FGF2: variants seen among roughly 807,000 people sequenced by gnomAD.
FGF2 encodes basic fibroblast growth factor bFGF.
Under a neutral mutation model 15.9 loss-of-function variants are expected in FGF2, and 13 were observed. The observed-to-expected ratio is 0.82, with a 90% confidence interval of 0.53 to 1.30. The LOEUF is 1.30. Ranked by LOEUF, FGF2 falls within the 50% of genes most tolerant of loss-of-function variation. The pLI, the probability that FGF2 is intolerant of heterozygous loss-of-function variation, is 0.00. For missense variants in FGF2, 163 were observed against 196.9 expected (o/e 0.83, Z 1.03); for synonymous variants, 90 against 78.4 (o/e 1.15, Z -0.78).
chr4:122,870,788 AT>A (rs1246426391), intron 1 of FGF2, among the ~76,000 whole-genome samples: 7 of 151,602 alleles, frequency 4.6e-5, no homozygotes, highest in Admixed American at 4.6e-4. Flanking sequence ...AGATTCATTG[AT>A]TTTTTTGTAG....
At position 122,827,107 on chromosome 4, in the gene FGF2, G is replaced by T; in HGVS notation, c.-68G>T. ...GAGCGGGTCGGAGGCCGGGGCCGGG[G>T]CCGGGGGACGGCGGCTCCCCGCGCG... On this transcript the variant is annotated 5_prime_UTR_variant, in exon 1 of 3. Transcript: ENST00000644866. This position sits in a 1 kb window ranked among gnomAD's most constrained non-coding sequence, Gnocchi z 4.2. The T allele has an allele frequency of 8.0e-7, 1 of 1,250,156 alleles. No homozygotes were observed. The highest frequency in any genetic ancestry group is 1.0e-6 in the Non-Finnish European group (1 of 999,530). 77.4% of individuals were successfully genotyped at this position (1,250,156 alleles called of 1,614,324 possible).
chr4:122,835,501 T>C (rs1449529408), intron 1 of FGF2, among the ~76,000 whole-genome samples: 7 of 152,122 alleles, frequency 4.6e-5, no homozygotes, highest in Non-Finnish European at 1.0e-4. Flanking sequence ...CTGCCATAGC[T>C]TCAACTTAAC....
At chr4:122,889,668 G>T (rs1210546650) in intron 2 of FGF2, among the ~76,000 whole-genome samples, 1 of 151,962 alleles carries the variant, frequency 6.6e-6, no homozygotes, top group Non-Finnish European at 1.5e-5. Context: ...ATTCAGCACA[G>T]ATGTAAGTTT....
chr4:122,883,627 T>C (rs1361985509), intron 2 of FGF2, among the ~76,000 whole-genome samples: 4 of 152,178 alleles, frequency 2.6e-5, no homozygotes. Context: ...TTCACAAAAT[T>C]ACAGATTTTT....
At chr4:122,876,251 T>C in intron 1 of FGF2, 70 bp from the exon 2 acceptor site, 1 of 933,488 alleles carries the variant, frequency 1.1e-6, no homozygotes, top group East Asian at 2.4e-5. Flanking sequence ...TGTCTTTATA[T>C]TGCGTAAATA....
chr4:122,880,286 GC>G (rs1191640208), intron 2 of FGF2, among the ~76,000 whole-genome samples: 5 of 133,062 alleles, frequency 3.8e-5, no homozygotes, highest in Admixed American at 8.4e-5. Flanking sequence ...TCGCTCTGTT[GC>G]CCAGGCTGGA....
At position 122,893,199 on chromosome 4, in the gene FGF2, CA is replaced by C. The variant is rs754662853; in HGVS notation, c.*808del. The C allele has an allele frequency of 1.9e-6, 3 of 1,608,890 alleles. No homozygotes were observed. The highest frequency in any genetic ancestry group is 2.5e-6 in the Non-Finnish European group (3 of 1,176,924). ...AATTCTGATTTTATACCAGTCTCTT[CA>C]AAAACTTCTCGAACCGCTGTGTCTC... On this transcript the variant is annotated 3_prime_UTR_variant, in exon 3 of 3. Coordinates refer to ENST00000644866, the MANE Select transcript of FGF2 (RefSeq NM_001361665.2).
chr4:122,842,262 C>T (rs1726003623), intron 1 of FGF2, among the ~76,000 whole-genome samples: 1 of 152,142 alleles, frequency 6.6e-6, no homozygotes, highest in Non-Finnish European at 1.5e-5. Flanking sequence ...AGAGTTTTAA[C>T]CTGGGAGTTC....
chr4:122,862,750 G>A (rs1726498657), intron 1 of FGF2, among the ~76,000 whole-genome samples: 1 of 152,158 alleles, frequency 6.6e-6, no homozygotes, highest in Admixed American at 6.5e-5. Context: ...CTTCAATTTT[G>A]TAGTTTAGAG....
chr4:122,877,846 A>C (rs45596736), intron 2 of FGF2, among the ~76,000 whole-genome samples: 5,203 of 152,350 alleles, frequency 0.034, 290 homozygotes, highest in African/African-American at 0.12. Flanking sequence ...TTACAGAGAA[A>C]AAGGGTATCT....
intron 1 of FGF2, among the ~76,000 whole-genome samples, chr4:122,874,482 TCAA>T (rs1350319127): frequency 6.6e-6 from 1 of 152,226 alleles, no homozygotes; most frequent in Non-Finnish European, 1.5e-5. Context: ...CATGAAATGT[TCAA>T]CAAAATTCTA....
chr4:122,835,073 C>T (rs1010752321), intron 1 of FGF2, among the ~76,000 whole-genome samples: 3 of 152,176 alleles, frequency 2.0e-5, no homozygotes, highest in Non-Finnish European at 1.5e-5. Context: ...TCATCTTCAG[C>T]CCAATGAATT....
chr4:122,855,191 G>C (rs1726315417), intron 1 of FGF2, among the ~76,000 whole-genome samples: 1 of 152,150 alleles, frequency 6.6e-6, no homozygotes, highest in South Asian at 2.1e-4. Flanking sequence ...AATTAACTTT[G>C]AGGAGAAACC....
intron 1 of FGF2, among the ~76,000 whole-genome samples, chr4:122,845,631 T>A (rs1252779679): frequency 6.6e-6 from 1 of 152,234 alleles, no homozygotes; most frequent in Non-Finnish European, 1.5e-5. Flanking sequence ...TGGCTTGTTT[T>A]GTTAAACCTC....
At chr4:122,837,467 A>G (rs1237380029) in intron 1 of FGF2, among the ~76,000 whole-genome samples, 2 of 152,228 alleles carry the variant, frequency 1.3e-5, no homozygotes, top group African/African-American at 4.8e-5. Context: ...AATGCAAATA[A>G]TCTTTCTACT....
intron 1 of FGF2, among the ~76,000 whole-genome samples, chr4:122,836,815 C>G (rs1238214808): frequency 6.6e-6 from 1 of 152,190 alleles, no homozygotes; most frequent in Non-Finnish European, 1.5e-5. Flanking sequence ...TAACATTATT[C>G]AAGGGAAGCA....
chr4:122,850,394 G>A (rs780504637), intron 1 of FGF2, among the ~76,000 whole-genome samples: 10 of 152,172 alleles, frequency 6.6e-5, no homozygotes, highest in South Asian at 2.1e-4. Context: ...AAGAGATTTC[G>A]ATTCAGAGCA....
At position 122,852,652 on chromosome 4, in the gene FGF2, CTTAA is replaced by C. The variant is rs576880935; in HGVS notation, c.179-23666_179-23663del. On this transcript the variant is annotated intron_variant, in intron 1 of 2. Coordinates refer to ENST00000644866, the MANE Select transcript of FGF2 (RefSeq NM_001361665.2). ...ACTATCCTCATTTTACCAACTTTCC[CTTAA>C]TTGTTTTCTGTGTCAGTTTTTCATA... 7.2e-5 allele frequency among the ~76,000 whole-genome samples: 11 copies of C among 152,268 alleles called. No homozygotes were observed. In the South Asian group the frequency reaches 2.3e-3, roughly 32 times the overall value.
rs1560763793 is a variant in FGF2 at position 122,894,812 on chromosome 4, T to C, written c.*2416T>C. On this transcript the variant is annotated 3_prime_UTR_variant, in exon 3 of 3. Transcript: ENST00000644866. ...TTATTAAAGATAGTAGCACTAGTCT[T>C]AAATTTGATATAACATCTCCTAACT... 1 of 152,334 alleles carries C rather than the reference T, an allele frequency of 6.6e-6. No homozygotes were observed. The highest frequency in any genetic ancestry group is 1.9e-4 in the East Asian group (1 of 5,182). The allele number at this position is 152,334 out of a possible 1,614,324, so 9.4% of individuals were successfully genotyped here.
Sources: gnomAD v4.1 joint callset for allele counts (sites outside exome capture counted in the v4.1 genomes callset) on GRCh38, gnomAD v4.1.1 for gene constraint, Gnocchi (gnomAD v3.1) non-coding constraint, MANE v1.5 for transcripts, NCBI Gene and HGNC (gene_info 2026-07-23, HGNC 2026-07-21) for gene names.